MEN1: variants seen among roughly 807,000 people sequenced by gnomAD.
MEN1 encodes the protein menin 1.
Under a neutral mutation model 58.0 loss-of-function variants are expected in MEN1, and 6 were observed. The ratio of observed to expected loss-of-function variants is 0.10; its 90% CI spans 0.06 to 0.20. MEN1 has a LOEUF of 0.20. Ranked by LOEUF, MEN1 falls within the 10% of genes least tolerant of loss-of-function variation. The pLI is 1.00. For missense variants in MEN1, 492 were observed against 818.5 expected (o/e 0.60, Z 4.87); for synonymous variants, 346 against 350.7 (o/e 0.99, Z 0.15).
rs757569943 is a variant in MEN1 at position 64,804,826 on chromosome 11, T to G, written c.1351-10A>C. 2 of 1,596,434 alleles carry G rather than the reference T, an allele frequency of 1.3e-6. No individual in the cohort carries two copies. The highest frequency in any genetic ancestry group is 2.2e-5 in the South Asian group (2 of 90,976). On this transcript the variant is annotated splice_polypyrimidine_tract_variant and intron_variant, in intron 9 of 9. Coordinates refer to ENST00000450708, the MANE Select transcript of MEN1 (RefSeq NM_001370259.2). This position sits in a 1 kb window ranked among gnomAD's most constrained non-coding sequence, Gnocchi z 4.2. ...GCACCTTCTGCCGCACCTGGGCCAG[T>G]GGGGAGAGCAAGGTGAGAGCAAGGT... is the stretch of plus-strand genomic sequence containing the variant.
Position 64,807,911 on chromosome 11 carries a change from T to C in MEN1, c.634A>G (p.Asn212Asp), listed in dbSNP as rs1060499980. ...AATACCCGCTCAGCCACACCGGCAT[T>C]GACTGTCTGGCCCCTGCGGTCCTCG... Reference protein sequence around the residue: ...GNEDRRGQTVNAGVAERSWLY... With the variant: ...GNEDRRGQTVDAGVAERSWLY... The change falls in exon 3 of 10, where the codon AAT becomes GAT. Residue 212 changes from asparagine to aspartate, a missense_variant. By Grantham distance (23) the Asn-to-Asp change is conservative. This residue lies in a region of MEN1 where 335 missense variants were observed against 550.3 expected (regional missense o/e 0.61). Coordinates refer to ENST00000450708, the MANE Select transcript of MEN1 (RefSeq NM_001370259.2). This position sits in a 1 kb window ranked among gnomAD's most constrained non-coding sequence, Gnocchi z 4.9. The C allele has an allele frequency of 6.2e-7, 1 of 1,614,114 alleles. No individual in the cohort carries two copies. Among genetic ancestry groups the C allele is most frequent in the East Asian group, 2.2e-5 (1 of 44,886 alleles).
Position 64,809,758 on chromosome 11 carries a change from C to T in MEN1, c.352G>A (p.Val118Met), listed in dbSNP as rs1060499975. The change falls in exon 2 of 10, where the codon GTG becomes ATG. Residue 118 changes from valine to methionine, a missense_variant. Coordinates refer to ENST00000450708, the MANE Select transcript of MEN1 (RefSeq NM_001370259.2). ...REGGVSSREL[V>M]KKVSDVIWNS... is the part of the protein sequence containing the mutation. ...CATATGACATCGGAGACCTTCTTCA[C>T]CAGCTCACGGCTGGAGACACCCCCT... 2.5e-6 allele frequency: 4 copies of T among 1,614,042 alleles called. No homozygotes were observed. The highest frequency in any genetic ancestry group is 3.4e-6 in the Non-Finnish European group (4 of 1,180,038).
In MEN1 at chr11:64,809,791, G is replaced by A. The variant is rs1358503577; in HGVS notation, c.319C>T (p.Pro107Ser). The stretch of plus-strand genomic sequence containing the variant: ...CGGCTGGAGACACCCCCTTCTCGAG[G>A]ATAGAGGGACAGGTCGACGGCGCCT... ...IRGAVDLSLYPREGGVSSREL... is the reference protein window; with the variant it reads ...IRGAVDLSLYSREGGVSSREL... The change falls in exon 2 of 10, where the codon CCT (proline) becomes TCT (serine). Residue 107 changes from proline (P) to serine (S), a missense_variant. Physicochemically the swap from Pro to Ser is moderately conservative, Grantham distance 74. Around this residue, in one of 5 missense-constraint regions of MEN1, gnomAD observed 335 missense variants for 550.3 expected, o/e 0.61. Coordinates refer to ENST00000450708, the MANE Select transcript of MEN1 (RefSeq NM_001370259.2). 1 of 1,614,020 alleles carries A rather than the reference G, an allele frequency of 6.2e-7. No individual in the cohort carries two copies. The highest frequency in any genetic ancestry group is 8.5e-7 in the Non-Finnish European group (1 of 1,179,988).
In MEN1 at chr11:64,804,432, G is replaced by A. The variant is rs1328296968; in HGVS notation, c.1735C>T (p.Leu579Phe). ...KINSSAIKLQLTAQSQVQMKK... is the reference protein window; with the variant it reads ...KINSSAIKLQFTAQSQVQMKK... ...ATCTGCACTTGCGACTGTGCCGTGA[G>A]TTGCAGCTTGATGGCGCTCGAGTTG... The change falls in exon 10 of 10, where the codon CTC (leucine) becomes TTC (phenylalanine). Residue 579 changes from leucine (L) to phenylalanine (F), a missense_variant. Physicochemically the swap from Leu to Phe is conservative, Grantham distance 22. Around this residue, in one of 5 missense-constraint regions of MEN1, gnomAD observed 24 missense variants for 72.4 expected, o/e 0.33. Coordinates refer to ENST00000450708, the MANE Select transcript of MEN1 (RefSeq NM_001370259.2). This position sits in a 1 kb window ranked among gnomAD's most constrained non-coding sequence, Gnocchi z 4.2. The A allele has an allele frequency of 1.2e-6, 2 of 1,614,210 alleles. No homozygotes were observed. The highest frequency in any genetic ancestry group is 1.7e-6 in the Non-Finnish European group (2 of 1,180,034).
intron 2 of MEN1, 132 bp from the exon 3 acceptor site, chr11:64,808,231 C>T: frequency 1.2e-6 from 1 of 803,584 alleles, no homozygotes; most frequent in Non-Finnish European, 2.0e-6. Flanking sequence ...TTCTCCTGCC[C>T]ACTATCCCTC....
Position 64,804,736 on chromosome 11 carries a change from T to C in MEN1, c.1431A>G (p.Glu477=). The C allele has an allele frequency of 6.3e-7, 1 of 1,596,964 alleles. No individual in the cohort carries two copies. The highest frequency in any genetic ancestry group is 8.5e-7 in the Non-Finnish European group (1 of 1,178,610). ...AEEPWGEEAR[E]GRRRGPRRES... ...CCCGCCGTGGGCCCCGCCGCCGGCC[T>C]TCCCGGGCTTCCTCGCCCCACGGCT... The change falls in exon 10 of 10, where the codon GAA becomes GAG. Residue 477 remains glutamate (E), a synonymous_variant. Coordinates refer to ENST00000450708, the MANE Select transcript of MEN1 (RefSeq NM_001370259.2). The surrounding 1 kb of genome is among the most constrained non-coding windows in gnomAD (Gnocchi z 4.2).
Position 64,807,877 on chromosome 11 carries a change from G to A in MEN1, c.654+14C>T, listed in dbSNP as rs2136147656. 1 of 1,613,836 alleles carries A rather than the reference G, an allele frequency of 6.2e-7. No homozygotes were observed. The highest frequency in any genetic ancestry group is 8.5e-7 in the Non-Finnish European group (1 of 1,179,854). The stretch of plus-strand genomic sequence containing the variant: ...CAGTATGAAGGGGACAAGGCTGGGG[G>A]GAGGGAACAATACCCGCTCAGCCAC... On this transcript the variant is annotated intron_variant, in intron 3 of 9. Transcript: ENST00000450708. The surrounding 1 kb of genome is among the most constrained non-coding windows in gnomAD (Gnocchi z 4.9).
Position 64,804,870 on chromosome 11 carries a change from A to G in MEN1, c.1351-54T>C, listed in dbSNP as rs1941581794. The G allele has an allele frequency of 6.3e-7, 1 of 1,594,198 alleles. No individual in the cohort carries two copies. Among genetic ancestry groups the G allele is most frequent in the African/African-American group, 1.3e-5 (1 of 74,798 alleles). ...GCAAGGTTGCCGGCCAGTGGCTGGA[A>G]CTCCAGGACCCTGCTCTGGCCATCC... On this transcript the variant is annotated intron_variant, in intron 9 of 9. Coordinates refer to ENST00000450708, the MANE Select transcript of MEN1 (RefSeq NM_001370259.2). The surrounding 1 kb of genome is among the most constrained non-coding windows in gnomAD (Gnocchi z 4.2).
At position 64,804,472 on chromosome 11, in the gene MEN1, C is replaced by A. The variant is rs767677287; in HGVS notation, c.1695G>T (p.Leu565=). The A allele has an allele frequency of 1.5e-5, 24 of 1,614,026 alleles. No homozygotes were observed. The highest frequency in any genetic ancestry group is 2.0e-5 in the Non-Finnish European group (24 of 1,180,038). ...CGCTCGAGTTGATCTTGGTGGCCACCAGCAGCTCCTTCATGCCCTTCATCT... is the reference window on the plus strand; with the variant it reads ...CGCTCGAGTTGATCTTGGTGGCCACAAGCAGCTCCTTCATGCCCTTCATCT... The part of the protein sequence containing the change: ...SEKMKGMKEL[L]VATKINSSAI... Residue 565 remains leucine (L), a synonymous_variant, in exon 10 of 10, where the codon CTG becomes CTT. Coordinates refer to ENST00000450708, the MANE Select transcript of MEN1 (RefSeq NM_001370259.2). This position sits in a 1 kb window ranked among gnomAD's most constrained non-coding sequence, Gnocchi z 4.2.
At position 64,807,298 on chromosome 11, in the gene MEN1, G is replaced by T; in HGVS notation, c.784-79C>A. 6.6e-7 allele frequency: 1 copy of T among 1,515,294 alleles called. No homozygotes were observed. Among genetic ancestry groups the T allele is most frequent in the Non-Finnish European group, 9.0e-7 (1 of 1,113,366 alleles). The allele number at this position is 1,515,294 out of a possible 1,614,324, so 93.9% of individuals were successfully genotyped here. A position where few individuals can be genotyped will look rare whatever the true frequency, so the allele number is the denominator to read the frequency against. ...CTTAGCCTATCGGGCAGAGGTGGGGGTCAGAACCAACAGGGACCACCCACC... is the reference window on the plus strand; with the variant it reads ...CTTAGCCTATCGGGCAGAGGTGGGGTTCAGAACCAACAGGGACCACCCACC... On this transcript the variant is annotated intron_variant, in intron 4 of 9. Transcript: ENST00000450708. This position sits in a 1 kb window ranked among gnomAD's most constrained non-coding sequence, Gnocchi z 4.9.
chr11:64,803,997 C>G lies in MEN1; in HGVS notation c.*337G>C. On this transcript the variant is annotated 3_prime_UTR_variant, in exon 10 of 10. Coordinates refer to ENST00000450708, the MANE Select transcript of MEN1 (RefSeq NM_001370259.2). ...ACAAGCTGGGAGGAGCCCTGAGTAACGTTGGTCTGGCTCTAGGTGAGCGGT... is the reference window on the plus strand; with the variant it reads ...ACAAGCTGGGAGGAGCCCTGAGTAAGGTTGGTCTGGCTCTAGGTGAGCGGT... The G allele has an allele frequency of 2.3e-6, 1 of 432,780 alleles. No homozygotes were observed. 26.8% of individuals were successfully genotyped at this position (432,780 alleles called of 1,614,324 possible).
intron 7 of MEN1, 36 bp downstream of exon 7, chr11:64,806,196 A>C: frequency 6.2e-7 from 1 of 1,613,120 alleles, no homozygotes; most frequent in African/African-American, 1.3e-5. Context: ...AGGGGAAGAA[A>C]GGACAGGCTG....
At position 64,807,687 on chromosome 11, in the gene MEN1, G is replaced by T. The variant is rs771297371; in HGVS notation, c.655-7C>A. The T allele has an allele frequency of 6.2e-7, 1 of 1,613,994 alleles. No homozygotes were observed. The highest frequency in any genetic ancestry group is 1.3e-5 in the African/African-American group (1 of 74,924). On this transcript the variant is annotated splice_region_variant and splice_polypyrimidine_tract_variant and intron_variant, in intron 3 of 9. Transcript: ENST00000450708. This position sits in a 1 kb window ranked among gnomAD's most constrained non-coding sequence, Gnocchi z 4.9. ...CTTTCAGGTACAGCCAGCTCTTAGGGGGGGATGAGATCATTATGTCTCATG... is the reference window on the plus strand; with the variant it reads ...CTTTCAGGTACAGCCAGCTCTTAGGTGGGGATGAGATCATTATGTCTCATG...
At chr11:64,806,629 A>C (rs964789826) in intron 6 of MEN1, among the ~76,000 whole-genome samples, 1 of 151,420 alleles carries the variant, frequency 6.6e-6, no homozygotes, top group Non-Finnish European at 1.5e-5. Context: ...TTTCTCAGAC[A>C]CTCTTCTACA....
chr11:64,806,192 AGAAAG>A (rs1941710466), intron 7 of MEN1, 35 bp downstream of exon 7: 1 of 1,612,628 alleles, frequency 6.2e-7, no homozygotes, highest in African/African-American at 1.3e-5. Context: ...ATGGAGGGGA[AGAAAG>A]GACAGGCTGC....
chr11:64,805,559 G>A (rs1354218229), intron 8 of MEN1, 76 bp downstream of exon 8: 9 of 1,570,198 alleles, frequency 5.7e-6, no homozygotes, highest in Middle Eastern at 2.0e-4. Context: ...TCCCGTACAT[G>A]CAGCCCCCAT....
At chr11:64,809,090 C>T (rs1350137789) in intron 2 of MEN1, among the ~76,000 whole-genome samples, 3 of 151,426 alleles carry the variant, frequency 2.0e-5, no homozygotes, top group East Asian at 1.9e-4. Flanking sequence ...AGTGAGACAC[C>T]ATCTCTACAA....
At chr11:64,809,110 A>C (rs550415173) in intron 2 of MEN1, among the ~76,000 whole-genome samples, 1 of 151,778 alleles carries the variant, frequency 6.6e-6, no homozygotes, top group East Asian at 1.9e-4. Flanking sequence ...AAAAAAATAC[A>C]AAAAATTAAC....
chr11:64,807,523 C>T lies in MEN1; in HGVS notation c.783+29G>A, dbSNP rs771934987. The T allele has an allele frequency of 2.5e-6, 4 of 1,613,460 alleles. No individual in the cohort carries two copies. Among genetic ancestry groups the T allele is most frequent in the Non-Finnish European group, 3.4e-6 (4 of 1,179,580 alleles). On this transcript the variant is annotated intron_variant, in intron 4 of 9. Transcript: ENST00000450708. This position sits in a 1 kb window ranked among gnomAD's most constrained non-coding sequence, Gnocchi z 4.9. ...ACAGCAAGTCAAGTCTGGCCTAGCCCAGTCCTGCCCCATTGGCTCAGCCCT... is the reference window on the plus strand; with the variant it reads ...ACAGCAAGTCAAGTCTGGCCTAGCCTAGTCCTGCCCCATTGGCTCAGCCCT...
Sources: allele counts gnomAD v4.1 joint callset (sites outside exome capture counted in the v4.1 genomes callset), GRCh38; gene constraint gnomAD v4.1.1; regional missense constraint gnomAD v4.1.1; non-coding constraint Gnocchi (gnomAD v3.1); transcripts MANE v1.5; gene names NCBI Gene and HGNC (gene_info 2026-07-23, HGNC 2026-07-21).